Variants in LARP4 observed in about 807,000 individuals in gnomAD.
The protein encoded by LARP4 is La ribonucleoprotein 4, also known as la-related protein 4.
In LARP4, 29 loss-of-function variants were observed where a neutral mutation model predicts 92.9. That is an observed-to-expected ratio of 0.31 (90% CI 0.23 to 0.43). LARP4 has a LOEUF of 0.43. LARP4 is among the 20% of genes least tolerant of loss of function. The pLI is 1.00. For synonymous variants in LARP4, 279 were observed against 284.1 expected (o/e 0.98, Z 0.18); for missense variants, 732 against 860.0 (o/e 0.85, Z 1.86).
rs1380418975 is a variant in LARP4 at position 50,478,434 on chromosome 12, G to A, written c.*2570G>A. The stretch of plus-strand genomic sequence containing the variant: ...TATCTAAATAATGCCTATGAGTTGT[G>A]TGAAGCTCTTGGCTTTTTTCCAACG... On this transcript the variant is annotated 3_prime_UTR_variant, in exon 16 of 16. Transcript: ENST00000398473. The A allele has an allele frequency of 6.6e-6, 1 of 152,012 alleles. No individual in the cohort carries two copies. The highest frequency in any genetic ancestry group is 2.4e-5 in the African/African-American group (1 of 41,416). 9.4% of individuals were successfully genotyped at this position (152,012 alleles called of 1,614,324 possible).
intron 1 of LARP4, among the ~76,000 whole-genome samples, chr12:50,407,060 C>G (rs1009685090): frequency 1.3e-5 from 2 of 151,474 alleles, no homozygotes; most frequent in Non-Finnish European, 2.9e-5. Context: ...GAATCTTGCT[C>G]TGTCGCCCAG....
At chr12:50,424,263 A>G (rs1020004477) in intron 1 of LARP4, among the ~76,000 whole-genome samples, 6 of 152,050 alleles carry the variant, frequency 3.9e-5, no homozygotes, top group Non-Finnish European at 7.4e-5. Context: ...CTAGCTACTC[A>G]GGAGATTGAG....
chr12:50,410,148 A>G lies in LARP4; in HGVS notation c.18+9120A>G, dbSNP rs538634551. On this transcript the variant is annotated intron_variant, in intron 1 of 15. Coordinates refer to ENST00000398473, the MANE Select transcript of LARP4 (RefSeq NM_052879.5). ...ATATTGATGCTTGAGGTTGAGGTAT[A>G]TTTAAGTTCGTTTGTGTAGTTAGCC... is the stretch of plus-strand genomic sequence containing the variant. Among the ~76,000 whole-genome samples the G allele has an allele frequency of 3.3e-5, 5 of 151,846 alleles. No homozygotes were observed. The South Asian group carries it at 1.0e-3, about 32-fold the overall frequency.
At chr12:50,421,341 G>T in intron 1 of LARP4, 1 of 943,358 alleles carries the variant, frequency 1.1e-6, no homozygotes, top group South Asian at 4.9e-5. Flanking sequence ...ACTCAAAGCA[G>T]CATTTTAATG....
intron 1 of LARP4, chr12:50,402,640 C>T: frequency 3.5e-6 from 1 of 285,828 alleles, no homozygotes; most frequent in Non-Finnish European, 6.9e-6. Flanking sequence ...TAGGTCTTCT[C>T]CTGTCTCTAA....
At chr12:50,461,698 T>C (rs1955412725) in intron 11 of LARP4, among the ~76,000 whole-genome samples, 2 of 152,324 alleles carry the variant, frequency 1.3e-5, no homozygotes. Flanking sequence ...GGCTCACACC[T>C]GTAATCCCAA....
At chr12:50,443,916 T>A (rs529221493) in intron 8 of LARP4, among the ~76,000 whole-genome samples, 2 of 152,312 alleles carry the variant, frequency 1.3e-5, no homozygotes, top group East Asian at 3.9e-4. Flanking sequence ...CCTGGCCAGA[T>A]ATCACTGTTT....
In LARP4 at chr12:50,435,389, A is replaced by T. The variant is rs1341893230; in HGVS notation, c.399-99A>T. On this transcript the variant is annotated intron_variant, in intron 4 of 15. Transcript: ENST00000398473. ...ATGTTATTTCTGATAGAATAATCTTATTTCCATGCATTTAAAAAGTAGGAA... is the reference window on the plus strand; with the variant it reads ...ATGTTATTTCTGATAGAATAATCTTTTTTCCATGCATTTAAAAAGTAGGAA... The T allele has an allele frequency of 4.2e-6, 3 of 721,012 alleles. No individual in the cohort carries two copies. In the African/African-American group the frequency reaches 5.3e-5, roughly 13 times the overall value. The allele number at this position is 721,012 out of a possible 1,614,324, so 44.7% of individuals were successfully genotyped here. A position where few individuals can be genotyped will look rare whatever the true frequency, so the allele number is the denominator to read the frequency against.
chr12:50,463,716 C>T (rs1475805952), intron 12 of LARP4, among the ~76,000 whole-genome samples: 1 of 152,174 alleles, frequency 6.6e-6, no homozygotes, highest in African/African-American at 2.4e-5. Flanking sequence ...ACCCTGGAGG[C>T]TGCTCTCATG....
chr12:50,459,822 CAAAAAAAAAAAAAAA>C (rs59855735), intron 10 of LARP4, among the ~76,000 whole-genome samples: 36,782 of 100,410 alleles, frequency 0.37, 6,178 homozygotes, highest in Middle Eastern at 0.49. Flanking sequence ...GACTCCGTAT[CAAAAAAAAAAAAAAA>C]AAAAAAAAAG....
chr12:50,467,857 G>GTTT (rs11401894), intron 13 of LARP4, among the ~76,000 whole-genome samples: 1 of 147,020 alleles, frequency 6.8e-6, no homozygotes, highest in Admixed American at 6.8e-5. Flanking sequence ...TTCTAATTCA[G>GTTT]TTTTTTTTTT....
rs17124715 is a variant in LARP4 at position 50,467,080 on chromosome 12, A to C, written c.1505A>C (p.Asn502Thr). The change falls in exon 13 of 16, where the codon AAT (asparagine) becomes ACT (threonine). Residue 502 changes from asparagine (N) to threonine (T), a missense_variant. Physicochemically the swap from Asn to Thr is moderately conservative, Grantham distance 65 (BLOSUM62 0). Coordinates refer to ENST00000398473, the MANE Select transcript of LARP4 (RefSeq NM_052879.5). ...ATGCCAGGTGAACTCGTTTTGGAGAATAGGATGTCTGATGTTGTTAAAGGT... is the reference window on the plus strand; with the variant it reads ...ATGCCAGGTGAACTCGTTTTGGAGACTAGGATGTCTGATGTTGTTAAAGGT... ...SRMPGELVLE[N>T]RMSDVVKGVY... The C allele has an allele frequency of 2.7e-3, 4,419 of 1,613,462 alleles. 127 individuals are homozygous for C. The East Asian group carries it at 0.072, about 26-fold the overall frequency.
Position 50,429,035 on chromosome 12 carries a change from T to C in LARP4, c.267T>C (p.Thr89=), listed in dbSNP as rs1435231958. ...ATACTACAGGCATTGAAGAATCAAC[T>C]GATGGGATGATTTTAGGACCAGAAG... is the stretch of plus-strand genomic sequence containing the variant. ...TRNTTGIEES[T]DGMILGPEDL... The change falls in exon 3 of 16, where the codon ACT becomes ACC. Residue 89 remains threonine (T), a synonymous_variant. Transcript: ENST00000398473. 2 of 1,611,826 alleles carry C rather than the reference T, an allele frequency of 1.2e-6. No homozygotes were observed. The highest frequency in any genetic ancestry group is 8.5e-7 in the Non-Finnish European group (1 of 1,178,738).
chr12:50,433,269 A>ATTTTTTTTTTTTT (rs60797979), intron 4 of LARP4, among the ~76,000 whole-genome samples: 1 of 117,280 alleles, frequency 8.5e-6, no homozygotes, highest in Admixed American at 9.0e-5. Flanking sequence ...CAAAAACGTG[A>ATTTTTTTTTTTTT]TTTTTTTTTT....
At chr12:50,441,447 T>C (rs915879883) in intron 7 of LARP4, 143 bp from the exon 8 acceptor site, 1 of 524,196 alleles carries the variant, frequency 1.9e-6, no homozygotes, top group Non-Finnish European at 3.3e-6. Context: ...ATTTTTACTT[T>C]TTCATTCCCT....
chr12:50,453,421 C>T (rs756639151), intron 8 of LARP4, 39 bp from the exon 9 acceptor site: 2 of 1,161,634 alleles, frequency 1.7e-6, no homozygotes, highest in South Asian at 1.3e-5. Flanking sequence ...TTAAAATATA[C>T]ACTTAATTCT....
chr12:50,441,403 CAATA>C (rs1313085650), intron 7 of LARP4, 183 bp from the exon 8 acceptor site: 1 of 424,920 alleles, frequency 2.4e-6, no homozygotes, highest in East Asian at 4.0e-5. Context: ...GGCTTTTCTA[CAATA>C]AATATGAACT....
chr12:50,454,469 T>G, intron 10 of LARP4, 52 bp downstream of exon 10: 1 of 1,297,480 alleles, frequency 7.7e-7, no homozygotes, highest in African/African-American at 1.5e-5. Context: ...CTAATGGATC[T>G]TAAGGCATTA....
At chr12:50,441,118 C>A (rs1001009825) in intron 7 of LARP4, among the ~76,000 whole-genome samples, 1 of 152,008 alleles carries the variant, frequency 6.6e-6, no homozygotes, top group South Asian at 2.1e-4. Flanking sequence ...CTCCTGACCT[C>A]GTGATTCGCC....
Sources: allele counts gnomAD v4.1 joint callset (sites outside exome capture counted in the v4.1 genomes callset), GRCh38; gene constraint gnomAD v4.1.1; transcripts MANE v1.5; gene names NCBI Gene and HGNC (gene_info 2026-07-23, HGNC 2026-07-21).